Variants in CLGN observed in about 807,000 individuals in gnomAD.
CLGN encodes calmegin, also known as testis tissue sperm-binding protein Li 79P.
Under a neutral mutation model 79.1 loss-of-function variants are expected in CLGN, and 62 were observed. The observed-to-expected ratio is 0.78, with a 90% CI of 0.64 to 0.97. The LOEUF is 0.97. Ranked by LOEUF, CLGN falls within the 50% of genes least tolerant of loss-of-function variation. The probability of loss-of-function intolerance (pLI) is 0.00; values close to 1 mark genes in which losing one functional copy is unlikely to be tolerated. For missense variants in CLGN, 647 were observed against 715.5 expected (o/e 0.90, Z 1.09); for synonymous variants, 225 against 224.7 (o/e 1.00, Z -0.01).
At position 140,390,615 on chromosome 4, in the gene CLGN, T is replaced by A; in HGVS notation, c.1752+13A>T. 6.4e-7 allele frequency: 1 copy of A among 1,558,424 alleles called. No homozygotes were observed. The highest frequency in any genetic ancestry group is 1.2e-5 in the South Asian group (1 of 83,096). On this transcript the variant is annotated intron_variant, in intron 14 of 14. Transcript: ENST00000325617. ...TAACAACTATACATAGAAACCAGCT[T>A]ATTTTCTGTTACCTCATCCTCTGAC... is the stretch of plus-strand genomic sequence containing the variant.
At position 140,422,242 on chromosome 4, in the gene CLGN, G is replaced by T. The variant is rs573381112; in HGVS notation, c.-10+5295C>A. ...TCCAAACTTATTCTTTCCCAAGATT[G>T]TTCTGGCTATTTGGGGTCCCTTGAG... On this transcript the variant is annotated intron_variant, in intron 1 of 14. Coordinates refer to ENST00000325617, the MANE Select transcript of CLGN (RefSeq NM_004362.3). 3.5e-3 allele frequency among the ~76,000 whole-genome samples: 526 copies of T among 152,170 alleles called. 1 individual carries two copies. The highest frequency in any genetic ancestry group is 5.5e-3 in the Non-Finnish European group (373 of 67,980).
At chr4:140,426,581 T>G (rs568600828) in intron 1 of CLGN, 18 of 152,388 alleles carry the variant, frequency 1.2e-4, no homozygotes, top group African/African-American at 3.8e-4. Flanking sequence ...ATGTCGACAT[T>G]TGTAAAACAA....
At chr4:140,396,889 A>G (rs865952820) in intron 8 of CLGN, among the ~76,000 whole-genome samples, 1,035 of 60,054 alleles carry the variant, frequency 0.017, 18 homozygotes, top group African/African-American at 0.059. Context: ...ATATATATAT[A>G]TGTATATATA....
chr4:140,409,925 T>A, intron 3 of CLGN, 30 bp from the exon 4 acceptor site: 1 of 1,480,488 alleles, frequency 6.8e-7, no homozygotes, highest in Non-Finnish European at 9.3e-7. Flanking sequence ...TACATATATG[T>A]CATTGACAAT....
intron 5 of CLGN, among the ~76,000 whole-genome samples, chr4:140,403,046 T>C (rs1205920686): frequency 6.6e-6 from 1 of 152,134 alleles, no homozygotes; most frequent in Non-Finnish European, 1.5e-5. Flanking sequence ...GGTGTACATA[T>C]TTTGTATTAA....
chr4:140,388,850 A>T lies in CLGN; in HGVS notation c.*374T>A, dbSNP rs1728722042. The T allele has an allele frequency of 5.8e-6, 1 of 173,524 alleles. No homozygotes were observed. The highest frequency in any genetic ancestry group is 2.4e-5 in the African/African-American group (1 of 41,980). The allele number at this position is 173,524 out of a possible 1,614,324, so 10.7% of individuals were successfully genotyped here. A position where few individuals can be genotyped will look rare whatever the true frequency, so the allele number is the denominator to read the frequency against. On this transcript the variant is annotated 3_prime_UTR_variant, in exon 15 of 15. Coordinates refer to ENST00000325617, the MANE Select transcript of CLGN (RefSeq NM_004362.3). ...CATTTTTATTATAGAACTACCAGTT[A>T]TATTGTTGTATAGCCATTTAAGTGG...
chr4:140,390,795 A>C (rs531190435), intron 13 of CLGN, 67 bp from the exon 14 acceptor site: 23 of 977,208 alleles, frequency 2.4e-5, no homozygotes, highest in Middle Eastern at 2.2e-4. Flanking sequence ...AAAAGTATTA[A>C]ATACAATAAA....
chr4:140,426,233 T>C (rs1729565004), intron 1 of CLGN, among the ~76,000 whole-genome samples: 1 of 152,244 alleles, frequency 6.6e-6, no homozygotes, highest in Non-Finnish European at 1.5e-5. Flanking sequence ...TGTTTTCTCA[T>C]TTGTGACGTG....
chr4:140,396,899 A>G (rs56258959), intron 8 of CLGN, among the ~76,000 whole-genome samples: 202 of 59,130 alleles, frequency 3.4e-3, no homozygotes, highest in African/African-American at 9.8e-3. Context: ...ATGTATATAT[A>G]TATATATGTA....
In CLGN at chr4:140,410,550, C is replaced by T. The variant is rs1308976733; in HGVS notation, c.218+3G>A. On this transcript the variant is annotated splice_donor_region_variant and intron_variant, in intron 3 of 14. Coordinates refer to ENST00000325617, the MANE Select transcript of CLGN (RefSeq NM_004362.3). ...GAAAACATTCTCTTGAATGAATACT[C>T]ACCCAGCCAACCTTCCACTATCAAA... The T allele has an allele frequency of 1.3e-6, 2 of 1,587,390 alleles. No individual in the cohort carries two copies. The highest frequency in any genetic ancestry group is 2.2e-5 in the East Asian group (1 of 44,602).
chr4:140,425,429 G>GGGGT (rs1553946834), intron 1 of CLGN, among the ~76,000 whole-genome samples: 10 of 116,886 alleles, frequency 8.6e-5, no homozygotes, highest in African/African-American at 2.7e-4. Flanking sequence ...GAATCAATAG[G>GGGGT]GTGTGTGTGT....
chr4:140,415,493 A>G (rs185535402), intron 1 of CLGN, among the ~76,000 whole-genome samples: 10,940 of 152,136 alleles, frequency 0.072, 533 homozygotes, highest in African/African-American at 0.13. Flanking sequence ...TCCAAATAAA[A>G]GGATGGAGGA....
At chr4:140,406,195 AT>A in intron 4 of CLGN, 112 bp from the exon 5 acceptor site, 1 of 1,033,926 alleles carries the variant, frequency 9.7e-7, no homozygotes. Flanking sequence ...CTTGGGAAAA[AT>A]AAAAATTTTA....
chr4:140,396,907 GTA>G (rs10640037), intron 8 of CLGN, among the ~76,000 whole-genome samples: 4 of 117,348 alleles, frequency 3.4e-5, no homozygotes, highest in East Asian at 2.3e-4. Flanking sequence ...ATATATATAT[GTA>G]TATATATATA....
At chr4:140,410,368 A>G (rs575493832) in intron 3 of CLGN, among the ~76,000 whole-genome samples, 185 bp downstream of exon 3, 1 of 152,154 alleles carries the variant, frequency 6.6e-6, no homozygotes, top group African/African-American at 2.4e-5. Flanking sequence ...CTTTGAATAA[A>G]TAACTATTCA....
rs1234895824 is a variant in CLGN at position 140,389,250 on chromosome 4, G to A, written c.1807C>T (p.Arg603Cys). 7.4e-6 allele frequency: 12 copies of A among 1,612,114 alleles called. No individual in the cohort carries two copies. The highest frequency in any genetic ancestry group is 4.0e-5 in the African/African-American group (3 of 74,806). The change falls in exon 15 of 15, where the codon CGC becomes TGC. Residue 603 changes from arginine to cysteine, a missense_variant. Physicochemically the swap from Arg to Cys is radical, Grantham distance 180. Transcript: ENST00000325617. Reference sequence around the variant, plus strand: ...TAGTCCTTTCGTACTCTTCTTTTGCGTACTGACTTTATCGGCCCATCTCCA... The same window carrying A: ...TAGTCCTTTCGTACTCTTCTTTTGCATACTGACTTTATCGGCCCATCTCCA... ...GSGDGPIKSV[R>C]KRRVRKD is the part of the protein sequence containing the mutation.
intron 14 of CLGN, 99 bp from the exon 15 acceptor site, chr4:140,389,403 A>G (rs943489314): frequency 4.1e-5 from 35 of 848,990 alleles, no homozygotes; most frequent in Non-Finnish European, 6.4e-5. Context: ...TATATGTGCT[A>G]TCAATCAAGT....
In CLGN at chr4:140,412,916, C is replaced by T; in HGVS notation, c.144+19G>A. 2.5e-6 allele frequency: 4 copies of T among 1,604,700 alleles called. 1 individual carries two copies. The South Asian group carries it at 4.4e-5, about 18-fold the overall frequency. ...CTATGTAAAGGAATAATTTATAACC[C>T]ATTTCTCAATAACCATACCTCTGAG... On this transcript the variant is annotated intron_variant, in intron 2 of 14. Coordinates refer to ENST00000325617, the MANE Select transcript of CLGN (RefSeq NM_004362.3).
At chr4:140,403,238 C>T (rs995755018) in intron 5 of CLGN, among the ~76,000 whole-genome samples, 1 of 152,084 alleles carries the variant, frequency 6.6e-6, no homozygotes, top group Non-Finnish European at 1.5e-5. Flanking sequence ...CCTTGGGTAA[C>T]GGCAAGTCAT....
Sources: allele counts gnomAD v4.1 joint callset (sites outside exome capture counted in the v4.1 genomes callset), GRCh38; gene constraint gnomAD v4.1.1; transcripts MANE v1.5; gene names NCBI Gene and HGNC (gene_info 2026-07-23, HGNC 2026-07-21).